The following GATB variants were observed in gnomAD, a reference collection of about 807,000 sequenced individuals.
GATB encodes the protein glutamyl-tRNA(Gln) amidotransferase subunit B, mitochondrial.
Under a neutral mutation model 62.3 loss-of-function variants are expected in GATB, and 39 were observed. The ratio of observed to expected loss-of-function variants is 0.63; its 90% CI spans 0.48 to 0.82. GATB has a LOEUF of 0.82. GATB is among the 40% of genes least tolerant of loss of function. GATB has a pLI of 0.00. For synonymous variants in GATB, 276 were observed against 258.9 expected, an observed-to-expected ratio of 1.07 and a Z score of -0.63; for missense variants, 670 against 684.0, an observed-to-expected ratio of 0.98 and a Z score of 0.23.
chr4:151,729,651 G>A (rs1739204693), intron 2 of GATB, among the ~76,000 whole-genome samples: 3 of 152,104 alleles, frequency 2.0e-5, no homozygotes, highest in African/African-American at 7.2e-5. Context: ...GGTGCAGGAT[G>A]GATTTCATTG....
At chr4:151,743,479 C>T (rs764888879) in intron 2 of GATB, among the ~76,000 whole-genome samples, 2 of 152,222 alleles carry the variant, frequency 1.3e-5, no homozygotes. Context: ...ATTACACACA[C>T]ATCTGTTAAT....
chr4:151,689,391 A>C (rs12503677), intron 9 of GATB, among the ~76,000 whole-genome samples: 1 of 151,924 alleles, frequency 6.6e-6, no homozygotes, highest in Non-Finnish European at 1.5e-5. Context: ...ACAGGTGGAG[A>C]GGGCAGCAGT....
chr4:151,709,337 C>T (rs1459877080), intron 5 of GATB, among the ~76,000 whole-genome samples: 2 of 152,176 alleles, frequency 1.3e-5, no homozygotes, highest in South Asian at 2.1e-4. Flanking sequence ...AATTGCCACC[C>T]GTGCTGACAG....
chr4:151,748,910 G>A (rs1371707981), intron 2 of GATB, among the ~76,000 whole-genome samples: 1 of 152,212 alleles, frequency 6.6e-6, no homozygotes, highest in East Asian at 1.9e-4. Flanking sequence ...ATGAAAAAAT[G>A]CTCATCATCA....
At chr4:151,757,595 C>A (rs1288405516) in intron 2 of GATB, among the ~76,000 whole-genome samples, 1 of 151,598 alleles carries the variant, frequency 6.6e-6, no homozygotes. Context: ...GCCTCAGCCT[C>A]CCCAGTAACT....
chr4:151,693,927 C>T (rs1738418619), intron 9 of GATB, among the ~76,000 whole-genome samples: 1 of 152,152 alleles, frequency 6.6e-6, no homozygotes, highest in Admixed American at 6.5e-5. Flanking sequence ...CAACTTCCCC[C>T]GAATAATCAA....
chr4:151,732,967 G>GAT (rs1739299139), intron 2 of GATB, among the ~76,000 whole-genome samples: 1 of 151,906 alleles, frequency 6.6e-6, no homozygotes, highest in Admixed American at 6.6e-5. Flanking sequence ...ATACAGCTAA[G>GAT]AAGGTGTTAG....
chr4:151,736,751 AGGTAAT>A (rs1449067746), intron 2 of GATB, among the ~76,000 whole-genome samples: 43 of 152,106 alleles, frequency 2.8e-4, no homozygotes, highest in African/African-American at 9.9e-4. Flanking sequence ...ACCCGGTGGG[AGGTAAT>A]TGAATCATGG....
At chr4:151,678,237 G>T (rs1254060406) in intron 11 of GATB, among the ~76,000 whole-genome samples, 1 of 152,152 alleles carries the variant, frequency 6.6e-6, no homozygotes, top group East Asian at 1.9e-4. Flanking sequence ...CTTTAAACAT[G>T]CTGGAAGCTG....
chr4:151,688,862 G>GAGACAGCCACTTA, intron 9 of GATB, 99 bp from the exon 10 acceptor site: 1 of 1,177,136 alleles, frequency 8.5e-7, no homozygotes, highest in Non-Finnish European at 1.2e-6. Context: ...TGCCTCCTCT[G>GAGACAGCCACTTA]AGACAGCCAC....
At chr4:151,743,719 C>G (rs995067992) in intron 2 of GATB, among the ~76,000 whole-genome samples, 1 of 152,222 alleles carries the variant, frequency 6.6e-6, no homozygotes, top group African/African-American at 2.4e-5. Context: ...AAGGACTGAA[C>G]TGAATGATTT....
intron 2 of GATB, among the ~76,000 whole-genome samples, chr4:151,740,139 T>G (rs1739455005): frequency 6.6e-6 from 1 of 152,248 alleles, no homozygotes; most frequent in Non-Finnish European, 1.5e-5. Flanking sequence ...CTGTGCTGAT[T>G]TCTCAGTTGG....
At chr4:151,680,423 T>TA (rs200212063) in intron 10 of GATB, among the ~76,000 whole-genome samples, 3,397 of 152,266 alleles carry the variant, frequency 0.022, 121 homozygotes, top group African/African-American at 0.076. Context: ...ACCTGATACA[T>TA]AACTCTCTTC....
chr4:151,757,207 A>T (rs1739848568), intron 2 of GATB, among the ~76,000 whole-genome samples: 1 of 152,182 alleles, frequency 6.6e-6, no homozygotes, highest in Admixed American at 6.5e-5. Context: ...AAGAGGGCAC[A>T]CCTCCACATC....
chr4:151,679,050 C>T (rs754668867), intron 11 of GATB, among the ~76,000 whole-genome samples: 2 of 152,184 alleles, frequency 1.3e-5, no homozygotes, highest in African/African-American at 2.4e-5. Flanking sequence ...TGCCCGCTGC[C>T]ACACTCAGCT....
intron 2 of GATB, among the ~76,000 whole-genome samples, chr4:151,754,621 C>T (rs150085656): frequency 7.4e-4 from 113 of 152,202 alleles, no homozygotes; most frequent in Non-Finnish European, 1.2e-3. Context: ...AAAGACTATA[C>T]ATTATAACAA....
intron 10 of GATB, among the ~76,000 whole-genome samples, chr4:151,685,787 C>T (rs1164808911): frequency 2.0e-5 from 3 of 152,226 alleles, no homozygotes; most frequent in Non-Finnish European, 4.4e-5. Context: ...GTGGCTCACG[C>T]CTGTAATCCC....
At chr4:151,752,318 G>T (rs752592349) in intron 2 of GATB, among the ~76,000 whole-genome samples, 14 of 152,086 alleles carry the variant, frequency 9.2e-5, no homozygotes, top group Non-Finnish European at 1.9e-4. Context: ...TAGTTGGCAG[G>T]CCCTTTCCAT....
At chr4:151,745,559 C>G (rs1739579135) in intron 2 of GATB, among the ~76,000 whole-genome samples, 1 of 152,204 alleles carries the variant, frequency 6.6e-6, no homozygotes, top group Admixed American at 6.5e-5. Context: ...TTCAGGGAGG[C>G]AAGACCCCTT....
Sources: allele counts gnomAD v4.1 joint callset (sites outside exome capture counted in the v4.1 genomes callset), GRCh38; gene constraint gnomAD v4.1.1; transcripts MANE v1.5; gene names NCBI Gene and HGNC (gene_info 2026-07-23, HGNC 2026-07-21).